The following UBE3D variants were observed in gnomAD, a reference collection of about 807,000 sequenced individuals.
The protein encoded by UBE3D is ubiquitin protein ligase E3D, also known as E3 ubiquitin-protein ligase E3D.
In UBE3D, 48 loss-of-function variants were observed where a neutral mutation model predicts 49.6. That is an observed-to-expected ratio of 0.97 (90% CI 0.77 to 1.23). The LOEUF (loss-of-function observed/expected upper bound fraction) is 1.23, where lower values mean the gene tolerates loss of function less well. Among genes scored for constraint, UBE3D ranks in the 50% most tolerant of loss-of-function variants. UBE3D has a pLI of 0.00. For missense variants in UBE3D, 452 were observed against 468.4 expected (o/e 0.96, Z 0.32); for synonymous variants, 189 against 174.2 (o/e 1.08, Z -0.67).
chr6:83,065,576 C>A, intron 1 of UBE3D, 66 bp downstream of exon 1: 1 of 1,500,672 alleles, frequency 6.7e-7, no homozygotes. Context: ...GAGAGACTCA[C>A]CAGCCCCCGA....
At chr6:83,013,857 C>A (rs1780515702) in intron 8 of UBE3D, among the ~76,000 whole-genome samples, 1 of 152,212 alleles carries the variant, frequency 6.6e-6, no homozygotes, top group African/African-American at 2.4e-5. Flanking sequence ...GCATAATGTC[C>A]TCAATGTAAC....
chr6:82,950,995 A>G (rs893807949), intron 9 of UBE3D, among the ~76,000 whole-genome samples: 4 of 151,792 alleles, frequency 2.6e-5, no homozygotes, highest in Non-Finnish European at 4.4e-5. Flanking sequence ...GGGATGACTA[A>G]TGGATAAAAA....
At chr6:82,960,169 T>G (rs2770676) in intron 8 of UBE3D, among the ~76,000 whole-genome samples, 99,757 of 152,006 alleles carry the variant, frequency 0.66, 33,730 homozygotes, top group East Asian at 0.82. Flanking sequence ...TGGGATGGCA[T>G]GTCCTTCACT....
chr6:82,957,534 T>G (rs1371540317), intron 8 of UBE3D, 84 bp from the exon 9 acceptor site: 1 of 1,470,814 alleles, frequency 6.8e-7, no homozygotes, highest in African/African-American at 1.4e-5. Flanking sequence ...AAAACTCAAT[T>G]GTGAGAGAAA....
intron 9 of UBE3D, among the ~76,000 whole-genome samples, chr6:82,933,218 T>C (rs1490469407): frequency 6.6e-6 from 1 of 152,216 alleles, no homozygotes; most frequent in Non-Finnish European, 1.5e-5. Flanking sequence ...TAAACTCTTT[T>C]ATATCCAGAG....
intron 9 of UBE3D, among the ~76,000 whole-genome samples, chr6:82,929,982 T>C (rs1454099226): frequency 6.6e-6 from 1 of 152,132 alleles, no homozygotes; most frequent in African/African-American, 2.4e-5. Flanking sequence ...GATGATATGG[T>C]TTGGCTGCAT....
the UBE3D span, among the ~76,000 whole-genome samples, chr6:82,887,334 A>G: frequency 2.7e-5 from 4 of 150,624 alleles, no homozygotes; most frequent in Admixed American, 1.3e-4. Context: ...AAAAAAAAAA[A>G]AAAGGGAGAG....
intron 8 of UBE3D, among the ~76,000 whole-genome samples, chr6:83,015,973 G>A (rs565694923): frequency 8.0e-4 from 122 of 152,216 alleles, no homozygotes; most frequent in Middle Eastern, 3.4e-3. Flanking sequence ...CCTCCCACAC[G>A]TCCCCATTCC....
chr6:82,943,057 T>C (rs920166057), intron 9 of UBE3D, among the ~76,000 whole-genome samples: 1 of 152,226 alleles, frequency 6.6e-6, no homozygotes, highest in African/African-American at 2.4e-5. Context: ...AGCTCACCTC[T>C]TGCCTCAGCA....
At chr6:82,987,910 A>G (rs1778631392) in intron 8 of UBE3D, among the ~76,000 whole-genome samples, 1 of 152,244 alleles carries the variant, frequency 6.6e-6, no homozygotes, top group Non-Finnish European at 1.5e-5. Context: ...AATAAATGAC[A>G]TGTGTCAACA....
chr6:83,018,734 A>G, intron 8 of UBE3D: 1 of 461,560 alleles, frequency 2.2e-6, no homozygotes, highest in South Asian at 2.5e-5. Context: ...ATGTACAGAC[A>G]GCTTAGATTA....
chr6:83,019,776 A>C (rs944660865), intron 7 of UBE3D, among the ~76,000 whole-genome samples: 1 of 152,146 alleles, frequency 6.6e-6, no homozygotes, highest in African/African-American at 2.4e-5. Context: ...TCCATGGGGG[A>C]GTTCTACAGC....
chr6:83,003,635 T>C (rs1562173651), intron 8 of UBE3D, among the ~76,000 whole-genome samples: 2 of 152,194 alleles, frequency 1.3e-5, no homozygotes, highest in Admixed American at 6.5e-5. Context: ...CTATTATTCC[T>C]AGGCTACAGA....
intron 8 of UBE3D, among the ~76,000 whole-genome samples, chr6:82,995,870 C>T (rs1019420881): frequency 1.1e-4 from 17 of 152,062 alleles, no homozygotes; most frequent in African/African-American, 3.9e-4. Flanking sequence ...ACTTGGAGAC[C>T]AGCCTGGCCA....
In UBE3D at chr6:83,057,092, G is replaced by A. The variant is rs144530554; in HGVS notation, c.274+734C>T. 2.0e-4 allele frequency among the ~76,000 whole-genome samples: 30 copies of A among 152,294 alleles called. No homozygotes were observed. In the East Asian group the frequency reaches 5.8e-3, roughly 29 times the overall value. On this transcript the variant is annotated intron_variant, in intron 2 of 9. Coordinates refer to ENST00000369747, the MANE Select transcript of UBE3D (RefSeq NM_198920.3). The stretch of plus-strand genomic sequence containing the variant: ...TGTAAATATAACAGGCATAGTAAAA[G>A]TTAAAATCAAATTAAGTATCAAACT...
At chr6:83,054,088 T>G in intron 3 of UBE3D, 60 bp downstream of exon 3, 1 of 1,429,996 alleles carries the variant, frequency 7.0e-7, no homozygotes, top group African/African-American at 1.4e-5. Context: ...AAAATTCTGA[T>G]AGAAAAAGAG....
intron 8 of UBE3D, among the ~76,000 whole-genome samples, chr6:82,975,472 A>G (rs12208177): frequency 0.17 from 25,737 of 152,140 alleles, 2,270 homozygotes; most frequent in African/African-American, 0.21. Context: ...TTGTCAGTGT[A>G]GGCTATGAGT....
At chr6:82,937,346 A>G (rs1183254893) in intron 9 of UBE3D, among the ~76,000 whole-genome samples, 1 of 150,184 alleles carries the variant, frequency 6.7e-6, no homozygotes, top group Non-Finnish European at 1.5e-5. Context: ...ACAAACAACA[A>G]AAACAAAAAC....
At chr6:82,915,326 C>T (rs988350426) in intron 9 of UBE3D, among the ~76,000 whole-genome samples, 22 of 152,162 alleles carry the variant, frequency 1.4e-4, no homozygotes, top group African/African-American at 5.1e-4. Context: ...ATAACAGCAG[C>T]AGCTAGCAGG....
Sources: gnomAD v4.1 joint callset for allele counts (sites outside exome capture counted in the v4.1 genomes callset) on GRCh38, gnomAD v4.1.1 for gene constraint, MANE v1.5 for transcripts, NCBI Gene and HGNC (gene_info 2026-07-23, HGNC 2026-07-21) for gene names.